The following FARP1 variants were observed in gnomAD, a reference collection of about 807,000 sequenced individuals.
The protein encoded by FARP1 is FERM, ARH/RhoGEF and pleckstrin domain protein 1.
In FARP1, 52 loss-of-function variants were observed where a neutral mutation model predicts 128.8. That is an observed-to-expected ratio of 0.40 (90% CI 0.32 to 0.51). The LOEUF is 0.51. FARP1 is among the 20% of genes least tolerant of loss of function. The pLI is 0.45. For missense variants in FARP1, 1,333 were observed against 1,367.9 expected (o/e 0.97, Z 0.40); for synonymous variants, 580 against 551.8 (o/e 1.05, Z -0.72).
chr13:98,211,757 T>A (rs1309961897), intron 1 of FARP1, among the ~76,000 whole-genome samples: 3 of 152,204 alleles, frequency 2.0e-5, no homozygotes, highest in Admixed American at 6.5e-5. Context: ...TTTAACCACT[T>A]CATCTCACCT....
chr13:98,420,880 A>C (rs1329392183), intron 16 of FARP1, among the ~76,000 whole-genome samples: 2 of 152,240 alleles, frequency 1.3e-5, no homozygotes, highest in African/African-American at 2.4e-5. Flanking sequence ...AGTGACATGT[A>C]GAGGAAATAA....
At position 98,448,543 on chromosome 13, in the gene FARP1, T is replaced by C. The variant is rs1197900483; in HGVS notation, c.*226T>C. 4 of 550,602 alleles carry C rather than the reference T, an allele frequency of 7.3e-6. No homozygotes were observed. The highest frequency in any genetic ancestry group is 1.3e-5 in the Non-Finnish European group (4 of 308,712). The allele number at this position is 550,602 out of a possible 1,614,324, so 34.1% of individuals were successfully genotyped here. On this transcript the variant is annotated 3_prime_UTR_variant, in exon 27 of 27. Coordinates refer to ENST00000319562, the MANE Select transcript of FARP1 (RefSeq NM_005766.4). ...GGCATCCGCTGGGGGCGCTGTTCTT[T>C]AGCTAGTGCCAGTATTAAAACATTG...
At chr13:98,446,910 C>G in intron 26 of FARP1, 93 bp downstream of exon 26, 1 of 1,336,386 alleles carries the variant, frequency 7.5e-7, no homozygotes, top group Non-Finnish European at 1.1e-6. Flanking sequence ...GTGAGATGGC[C>G]CCACCCTTCC....
intron 3 of FARP1, among the ~76,000 whole-genome samples, chr13:98,358,614 A>T (rs1888733535): frequency 6.6e-6 from 1 of 152,110 alleles, no homozygotes; most frequent in African/African-American, 2.4e-5. Flanking sequence ...TATTACAAAG[A>T]ATTCAAAGTA....
chr13:98,252,193 ATAT>A (rs1158943331), intron 2 of FARP1, among the ~76,000 whole-genome samples: 2 of 152,178 alleles, frequency 1.3e-5, no homozygotes, highest in African/African-American at 2.4e-5. Flanking sequence ...TTATATTAGC[ATAT>A]TAGGAGATTA....
At chr13:98,207,908 CCACACACACACACACACACA>C (rs71111934) in intron 1 of FARP1, among the ~76,000 whole-genome samples, 102 of 71,610 alleles carry the variant, frequency 1.4e-3, no homozygotes, top group Admixed American at 6.6e-3. Flanking sequence ...ACCACCACCT[CCACACACACACACACACACA>C]CACACACACA....
chr13:98,177,339 A>G, intron 1 of FARP1: 3 of 917,750 alleles, frequency 3.3e-6, no homozygotes, highest in Non-Finnish European at 4.7e-6. Flanking sequence ...AAAAAGCAAA[A>G]GCAAGTGAAA....
At position 98,397,900 on chromosome 13, in the gene FARP1, G is replaced by GAAAA. The variant is rs3841606; in HGVS notation, c.1414+2440_1414+2443dup. The GAAAA allele has an allele frequency of 8.9e-3, 756 of 84,510 alleles. 21 individuals carry two copies. Among genetic ancestry groups the GAAAA allele is most frequent in the African/African-American group, 0.031 (724 of 23,586 alleles). The allele number at this position is 84,510 out of a possible 1,614,324, so 5.2% of individuals were successfully genotyped here. A position where few individuals can be genotyped will look rare whatever the true frequency, so the allele number is the denominator to read the frequency against. On this transcript the variant is annotated intron_variant, in intron 13 of 26. Coordinates refer to ENST00000319562, the MANE Select transcript of FARP1 (RefSeq NM_005766.4). ...TTCAGCCTTAGGTACTTTTTTTTTT[G>GAAAA]AAAAAAAAAAAAAAAAAAAGATAAA...
At chr13:98,195,378 T>C (rs1367537129) in intron 1 of FARP1, among the ~76,000 whole-genome samples, 1 of 150,604 alleles carries the variant, frequency 6.6e-6, no homozygotes, top group East Asian at 1.9e-4. Flanking sequence ...TCCCCCGGGC[T>C]GTTTGTTTGT....
chr13:98,275,999 A>AGTGATCATG (rs1375564178), intron 2 of FARP1, among the ~76,000 whole-genome samples: 2 of 152,284 alleles, frequency 1.3e-5, no homozygotes, highest in East Asian at 3.9e-4. Context: ...GAAAGTCCTA[A>AGTGATCATG]GTGATCATGG....
intron 2 of FARP1, among the ~76,000 whole-genome samples, chr13:98,247,868 C>T (rs1275506627): frequency 6.6e-6 from 1 of 152,218 alleles, no homozygotes. Context: ...CGGATGTGGT[C>T]ATCAGCTTCC....
At chr13:98,180,749 T>C (rs930600878) in intron 1 of FARP1, among the ~76,000 whole-genome samples, 3 of 152,210 alleles carry the variant, frequency 2.0e-5, no homozygotes, top group Non-Finnish European at 4.4e-5. Flanking sequence ...GTTTATCATT[T>C]TAGTGGGATT....
intron 2 of FARP1, among the ~76,000 whole-genome samples, chr13:98,288,962 C>T (rs1288414724): frequency 1.4e-5 from 2 of 144,112 alleles, no homozygotes; most frequent in East Asian, 2.0e-4. Context: ...ACAGCAGTTC[C>T]TATGGCTTTT....
chr13:98,284,010 C>T (rs1885056320), intron 2 of FARP1, among the ~76,000 whole-genome samples: 1 of 152,140 alleles, frequency 6.6e-6, no homozygotes, highest in South Asian at 2.1e-4. Flanking sequence ...TCCTCAGTTG[C>T]ACTGGTCATG....
Position 98,378,967 on chromosome 13 carries a change from AATATATAATCT to A in FARP1, c.496+1059_496+1069del, listed in dbSNP as rs1159263489. ...TATATAATATATATATAATATATAC[AATATATAATCT>A]ATATATAATATATATATAATATATA... On this transcript the variant is annotated intron_variant, in intron 6 of 26. Coordinates refer to ENST00000319562, the MANE Select transcript of FARP1 (RefSeq NM_005766.4). Among the ~76,000 whole-genome samples, 54 of 94,384 alleles carry A rather than the reference AATATATAATCT, an allele frequency of 5.7e-4. 2 individuals are homozygous for A. The highest frequency in any genetic ancestry group is 2.1e-3 in the African/African-American group (46 of 22,050). The allele number at this position is 94,384 out of a possible 152,430, so 61.9% of individuals were successfully genotyped here.
chr13:98,343,842 G>A lies in FARP1; in HGVS notation c.252G>A (p.Glu84=). ...NLVEGDYFGL[E]FPDHKKITVW... ...TGGAAGGTGACTATTTTGGCCTCGAGTTTCCTGATCACAAAAAGATCACGG... is the reference window on the plus strand; with the variant it reads ...TGGAAGGTGACTATTTTGGCCTCGAATTTCCTGATCACAAAAAGATCACGG... The change falls in exon 3 of 27, where the codon GAG becomes GAA. Residue 84 remains glutamate (E), a synonymous_variant. Transcript: ENST00000319562. 1 of 1,612,434 alleles carries A rather than the reference G, an allele frequency of 6.2e-7. No homozygotes were observed. Among genetic ancestry groups the A allele is most frequent in the Non-Finnish European group, 8.5e-7 (1 of 1,179,368 alleles).
intron 3 of FARP1, among the ~76,000 whole-genome samples, chr13:98,358,515 A>G (rs1027400759): frequency 2.0e-5 from 3 of 152,188 alleles, no homozygotes; most frequent in African/African-American, 7.2e-5. Flanking sequence ...AGGTGTTTAC[A>G]AGAAAGCCAC....
At chr13:98,213,127 C>T in intron 1 of FARP1, 93 bp from the exon 2 acceptor site, 20 of 981,500 alleles carry the variant, frequency 2.0e-5, no homozygotes, top group Non-Finnish European at 3.0e-5. Flanking sequence ...GGGATGGAGC[C>T]CCCTGCCCAC....
intron 2 of FARP1, among the ~76,000 whole-genome samples, chr13:98,270,883 A>C (rs1884356887): frequency 6.6e-6 from 1 of 151,792 alleles, no homozygotes; most frequent in Non-Finnish European, 1.5e-5. Context: ...TATACTGCAG[A>C]GAGCAGGGGC....
Sources: allele counts gnomAD v4.1 joint callset (sites outside exome capture counted in the v4.1 genomes callset), GRCh38; gene constraint gnomAD v4.1.1; transcripts MANE v1.5; gene names NCBI Gene and HGNC (gene_info 2026-07-23, HGNC 2026-07-21).